The following INSC variants were observed in gnomAD, a reference collection of about 807,000 sequenced individuals.
The protein encoded by INSC is protein inscuteable homolog.
INSC carries 67 observed loss-of-function variants against 58.6 expected under a neutral mutation model. The observed-to-expected ratio is 1.14, with a 90% CI of 0.94 to 1.40. INSC has a LOEUF of 1.40. INSC is among the 40% of genes most tolerant of loss of function. The pLI, the probability that INSC is intolerant of heterozygous loss-of-function variation, is 0.00. For synonymous variants in INSC, 262 were observed against 276.1 expected, an observed-to-expected ratio of 0.95 and a Z score of 0.51; for missense variants, 714 against 692.0, an observed-to-expected ratio of 1.03 and a Z score of -0.36.
intron 4 of INSC, 79 bp downstream of exon 4, chr11:15,177,242 G>A (rs1385039597): frequency 9.1e-7 from 1 of 1,104,928 alleles, no homozygotes; most frequent in East Asian, 2.4e-5. Flanking sequence ...TTCTCCCAGA[G>A]GGAGAATGGG....
chr11:15,176,981 A>C, intron 3 of INSC, 130 bp from the exon 4 acceptor site: 1 of 771,898 alleles, frequency 1.3e-6, no homozygotes, highest in East Asian at 2.5e-5. Flanking sequence ...ACTGTGTTAT[A>C]TTTTAACTGC....
intron 2 of INSC, among the ~76,000 whole-genome samples, chr11:15,159,640 C>T (rs1163185856): frequency 6.6e-6 from 1 of 152,190 alleles, no homozygotes; most frequent in Non-Finnish European, 1.5e-5. Context: ...CACTTAAGAA[C>T]ATACAGTCTA....
intron 5 of INSC, among the ~76,000 whole-genome samples, chr11:15,183,268 T>A (rs1207300323): frequency 6.6e-6 from 1 of 150,554 alleles, no homozygotes. Context: ...GGAGAATTGG[T>A]TGAACTCAGG....
intron 8 of INSC, 130 bp downstream of exon 8, chr11:15,221,778 T>C (rs976786634): frequency 5.0e-6 from 4 of 805,772 alleles, no homozygotes; most frequent in Non-Finnish European, 7.6e-6. Context: ...GATGATCATA[T>C]TTGCTGAAAT....
chr11:15,238,128 T>C (rs1337605289), intron 10 of INSC, among the ~76,000 whole-genome samples: 1 of 151,876 alleles, frequency 6.6e-6, no homozygotes, highest in Non-Finnish European at 1.5e-5. Flanking sequence ...AGAGGGAAAA[T>C]GGCATCCCTT....
In INSC at chr11:15,175,854, A is replaced by T. The variant is rs772031348; in HGVS notation, c.170A>T (p.Asp57Val). The change falls in exon 3 of 13, where the codon GAT becomes GTT. Residue 57 changes from aspartate to valine, a missense_variant. Physicochemically the swap from Asp to Val is radical, Grantham distance 152. Coordinates refer to ENST00000379556, the MANE Select transcript of INSC (RefSeq NM_001042536.3). ...LQAKPISLEE[D>V]AQGDLILAGG... is the part of the protein sequence containing the mutation. The stretch of plus-strand genomic sequence containing the variant: ...GCCAAGCCCATCAGCCTGGAAGAGG[A>T]TGCACAGGGTGACCTCATCCTGGCA... 2 of 1,613,760 alleles carry T rather than the reference A, an allele frequency of 1.2e-6. No individual in the cohort carries two copies. Among genetic ancestry groups the T allele is most frequent in the East Asian group, 2.2e-5 (1 of 44,874 alleles).
chr11:15,242,294 C>A (rs578108299), intron 12 of INSC, among the ~76,000 whole-genome samples: 9 of 152,280 alleles, frequency 5.9e-5, no homozygotes, highest in African/African-American at 1.9e-4. Flanking sequence ...TGAAGGAGAG[C>A]ACACAGAAGA....
At chr11:15,213,140 G>GTT (rs34834597) in intron 7 of INSC, among the ~76,000 whole-genome samples, 1,796 of 147,510 alleles carry the variant, frequency 0.012, 16 homozygotes, top group African/African-American at 0.025. Context: ...TACTTGAGGA[G>GTT]TTTTTTTTTT....
At chr11:15,210,858 T>C (rs1234061385) in intron 7 of INSC, among the ~76,000 whole-genome samples, 2 of 151,892 alleles carry the variant, frequency 1.3e-5, no homozygotes, top group Non-Finnish European at 2.9e-5. Flanking sequence ...GATGATACAC[T>C]GTGAAGGTTT....
intron 12 of INSC, among the ~76,000 whole-genome samples, chr11:15,241,408 C>T (rs1186865531): frequency 2.0e-5 from 3 of 152,180 alleles, no homozygotes; most frequent in Admixed American, 6.5e-5. Flanking sequence ...TTCTGATGGG[C>T]GTTGTGCCGT....
At chr11:15,114,639 G>T (rs920832953), upstream of INSC, among the ~76,000 whole-genome samples, 1 of 152,204 alleles carries the variant, frequency 6.6e-6, no homozygotes, top group Non-Finnish European at 1.5e-5. Flanking sequence ...GCCCGGGGGA[G>T]CCCGGTCTCT....
intron 7 of INSC, 78 bp from the exon 8 acceptor site, chr11:15,221,399 C>A: frequency 6.7e-7 from 1 of 1,486,064 alleles, no homozygotes; most frequent in Non-Finnish European, 9.1e-7. Context: ...GGGGCTGAAT[C>A]TGTATCTGTC....
intron 7 of INSC, among the ~76,000 whole-genome samples, chr11:15,220,153 C>T (rs1380515469): frequency 1.3e-5 from 2 of 152,328 alleles, no homozygotes; most frequent in East Asian, 3.9e-4. Flanking sequence ...GATAATTAGG[C>T]AAACGAAATG....
the INSC span, among the ~76,000 whole-genome samples, chr11:15,265,418 A>G: frequency 0.074 from 11,241 of 152,112 alleles, 474 homozygotes; most frequent in Non-Finnish European, 0.094. Flanking sequence ...TTTCTCAATA[A>G]GATCATCTAG....
downstream of INSC, among the ~76,000 whole-genome samples, chr11:15,248,108 A>G (rs1396419248): frequency 6.6e-6 from 1 of 152,202 alleles, no homozygotes; most frequent in Non-Finnish European, 1.5e-5. Context: ...TGAAACTGAC[A>G]CGCATTCTGC....
intron 7 of INSC, among the ~76,000 whole-genome samples, chr11:15,206,490 A>G (rs1444419938): frequency 6.6e-6 from 1 of 152,164 alleles, no homozygotes; most frequent in Non-Finnish European, 1.5e-5. Context: ...AGGAGAAGGC[A>G]GTGTTCTCTG....
At chr11:15,150,385 C>A (rs995479667) in intron 2 of INSC, among the ~76,000 whole-genome samples, 2 of 152,228 alleles carry the variant, frequency 1.3e-5, no homozygotes, top group African/African-American at 4.8e-5. Flanking sequence ...GGGAATAACA[C>A]CATGGTTATT....
chr11:15,224,880 G>A (rs141686631), intron 8 of INSC, among the ~76,000 whole-genome samples: 1 of 152,334 alleles, frequency 6.6e-6, no homozygotes, highest in Non-Finnish European at 1.5e-5. Flanking sequence ...ACATTCAGGA[G>A]CTTGGTATAG....
At chr11:15,112,282 C>T (rs888487566), upstream of INSC, 200 of 477,104 alleles carry the variant, frequency 4.2e-4, 1 homozygote, top group Non-Finnish European at 5.9e-5. Flanking sequence ...GGGAGGGGGT[C>T]GAGGGGGAGG....
Sources: gnomAD v4.1 joint callset for allele counts (sites outside exome capture counted in the v4.1 genomes callset) on GRCh38, gnomAD v4.1.1 for gene constraint, MANE v1.5 for transcripts, NCBI Gene and HGNC (gene_info 2026-07-23, HGNC 2026-07-21) for gene names.